Variants in MAP4K3 observed in about 807,000 individuals in gnomAD.
MAP4K3 encodes mitogen-activated protein kinase kinase kinase kinase 3, also known as MAPK/ERK kinase kinase kinase 3.
MAP4K3 carries 94 observed loss-of-function variants against 143.5 expected under a neutral mutation model. That is an observed-to-expected ratio of 0.65 (90% confidence interval 0.55 to 0.78). The LOEUF (loss-of-function observed/expected upper bound fraction) is 0.78. MAP4K3 is among the 30% of genes least tolerant of loss of function. The pLI is 0.00. For missense variants in MAP4K3, 1,077 were observed against 1,068.1 expected (o/e 1.01, Z -0.12); for synonymous variants, 416 against 347.2 (o/e 1.20, Z -2.20).
chr2:39,266,174 C>T (rs1680753763), intron 27 of MAP4K3, among the ~76,000 whole-genome samples: 1 of 152,172 alleles, frequency 6.6e-6, no homozygotes, highest in South Asian at 2.1e-4. Flanking sequence ...AGAGACTCAA[C>T]CACCATGTCT....
intron 18 of MAP4K3, among the ~76,000 whole-genome samples, chr2:39,291,738 T>G (rs568465007): frequency 6.6e-6 from 1 of 151,812 alleles, no homozygotes; most frequent in Admixed American, 6.6e-5. Context: ...AATAGAAAAT[T>G]AGGAAGTGTG....
intron 1 of MAP4K3, among the ~76,000 whole-genome samples, chr2:39,411,594 T>C (rs1278006387): frequency 6.6e-6 from 1 of 152,260 alleles, no homozygotes; most frequent in Non-Finnish European, 1.5e-5. Context: ...ATTTCTCTGA[T>C]GACCACTGGT....
rs577938388 is a variant in MAP4K3 at position 39,350,845 on chromosome 2, C to G, written c.245+5404G>C. ...TCATTTTTGCCCATATCTCCACAAC[C>G]TTATCTACTCCAACTACACGTGGCC... On this transcript the variant is annotated intron_variant, in intron 3 of 33. Coordinates refer to ENST00000263881, the MANE Select transcript of MAP4K3 (RefSeq NM_003618.4). Among the ~76,000 whole-genome samples, 457 of 152,268 alleles carry G rather than the reference C, an allele frequency of 3.0e-3. 2 individuals carry two copies. The highest frequency in any genetic ancestry group is 0.013 in the South Asian group (63 of 4,812).
chr2:39,395,372 T>C (rs947601467), intron 1 of MAP4K3, among the ~76,000 whole-genome samples: 3 of 152,020 alleles, frequency 2.0e-5, no homozygotes, highest in African/African-American at 7.2e-5. Flanking sequence ...TTTAAAATAA[T>C]GGTTTTATTC....
At chr2:39,370,025 C>T (rs1281872567) in intron 2 of MAP4K3, among the ~76,000 whole-genome samples, 1 of 152,192 alleles carries the variant, frequency 6.6e-6, no homozygotes, top group Non-Finnish European at 1.5e-5. Context: ...GGAACCATAT[C>T]TCCGTATCTT....
intron 1 of MAP4K3, among the ~76,000 whole-genome samples, chr2:39,435,143 C>T (rs769884823): frequency 4.9e-4 from 75 of 152,170 alleles, no homozygotes; most frequent in Non-Finnish European, 8.5e-4. Flanking sequence ...TTGCATCCAT[C>T]CACTTCTACT....
At chr2:39,258,720 T>A in intron 29 of MAP4K3, 133 bp from the exon 30 acceptor site, 1 of 700,148 alleles carries the variant, frequency 1.4e-6, no homozygotes, top group Non-Finnish European at 2.5e-6. Flanking sequence ...ATGTAGTGAC[T>A]GAGCCAGGCT....
intron 1 of MAP4K3, among the ~76,000 whole-genome samples, chr2:39,423,602 T>G (rs1558349825): frequency 6.6e-6 from 1 of 152,206 alleles, no homozygotes; most frequent in Non-Finnish European, 1.5e-5. Flanking sequence ...AATGAGGTAT[T>G]GAGCCACAAA....
At chr2:39,260,206 T>C (rs2148439462) in intron 29 of MAP4K3, among the ~76,000 whole-genome samples, 1 of 152,302 alleles carries the variant, frequency 6.6e-6, no homozygotes, top group East Asian at 1.9e-4. Flanking sequence ...CTCGACCTCC[T>C]GGGCTCAAGT....
intron 3 of MAP4K3, 62 bp from the exon 4 acceptor site, chr2:39,343,514 C>CA (rs1665200644): frequency 1.9e-5 from 26 of 1,375,328 alleles, no homozygotes; most frequent in Admixed American, 7.1e-5. Context: ...TGTGAGGTAA[C>CA]AAGTATTTTA....
At chr2:39,259,184 G>A (rs1177194897) in intron 29 of MAP4K3, among the ~76,000 whole-genome samples, 2 of 151,830 alleles carry the variant, frequency 1.3e-5, no homozygotes, top group Non-Finnish European at 2.9e-5. Flanking sequence ...TTAGAGATGG[G>A]GTCCTGCTAT....
intron 3 of MAP4K3, among the ~76,000 whole-genome samples, chr2:39,353,045 T>C (rs1665503252): frequency 6.6e-6 from 1 of 152,158 alleles, no homozygotes; most frequent in Non-Finnish European, 1.5e-5. Context: ...TGAGACTAAA[T>C]CTGGCCTTTC....
intron 6 of MAP4K3, among the ~76,000 whole-genome samples, chr2:39,334,265 TC>T (rs1445865516): frequency 6.6e-6 from 1 of 152,100 alleles, no homozygotes; most frequent in Non-Finnish European, 1.5e-5. Context: ...TTCAATAAGC[TC>T]AAAGCTTTTG....
intron 15 of MAP4K3, among the ~76,000 whole-genome samples, chr2:39,302,702 C>T (rs1682556737): frequency 6.6e-6 from 1 of 152,082 alleles, no homozygotes; most frequent in Non-Finnish European, 1.5e-5. Flanking sequence ...AGTATGCCAG[C>T]ATAAAAAAAG....
chr2:39,357,835 C>T (rs887917297), intron 2 of MAP4K3, among the ~76,000 whole-genome samples: 1 of 152,194 alleles, frequency 6.6e-6, no homozygotes. Context: ...TAGTTTCTCA[C>T]TCAACCCAAA....
intron 2 of MAP4K3, among the ~76,000 whole-genome samples, chr2:39,361,830 T>C (rs1204456831): frequency 6.6e-6 from 1 of 152,000 alleles, no homozygotes; most frequent in Admixed American, 6.5e-5. Flanking sequence ...TATAATGACA[T>C]CTGTCAAGAT....
At chr2:39,301,310 T>C (rs1682501721) in intron 15 of MAP4K3, among the ~76,000 whole-genome samples, 1 of 152,174 alleles carries the variant, frequency 6.6e-6, no homozygotes, top group African/African-American at 2.4e-5. Flanking sequence ...AAAATTCCAA[T>C]GAAAAAGGAC....
intron 21 of MAP4K3, 73 bp downstream of exon 21, chr2:39,286,779 T>C (rs921770064): frequency 3.8e-6 from 3 of 783,652 alleles, no homozygotes; most frequent in African/African-American, 1.7e-5. Flanking sequence ...TGTCACTAAT[T>C]GTAAGCATAA....
At chr2:39,380,274 C>A (rs1270832963) in intron 1 of MAP4K3, among the ~76,000 whole-genome samples, 1 of 152,014 alleles carries the variant, frequency 6.6e-6, no homozygotes, top group East Asian at 1.9e-4. Flanking sequence ...CACTTCTAAG[C>A]CTTTCCTTAG....
Sources: allele counts gnomAD v4.1 joint callset (sites outside exome capture counted in the v4.1 genomes callset), GRCh38; gene constraint gnomAD v4.1.1; transcripts MANE v1.5; gene names NCBI Gene and HGNC (gene_info 2026-07-23, HGNC 2026-07-21).